The following INF2 variants were observed in gnomAD, a reference collection of about 807,000 sequenced individuals.
INF2 encodes the protein inverted formin 2, also known as inverted formin-2.
INF2 carries 43 observed loss-of-function variants against 123.5 expected under a neutral mutation model. The observed-to-expected ratio is 0.35, with a 90% CI of 0.27 to 0.45. INF2 has a LOEUF of 0.45. Ranked by LOEUF, INF2 falls within the 20% of genes least tolerant of loss-of-function variation. The probability of loss-of-function intolerance (pLI) is 1.00; values close to 1 mark genes in which losing one functional copy is unlikely to be tolerated. For missense variants in INF2, 1,453 were observed against 1,682.7 expected, an observed-to-expected ratio of 0.86 and a Z score of 2.39; for synonymous variants, 851 against 745.0, an observed-to-expected ratio of 1.14 and a Z score of -2.32.
At chr14:104,689,524 C>T, upstream of INF2, 1 of 521,970 alleles carries the variant, frequency 1.9e-6, no homozygotes, top group Non-Finnish European at 2.4e-6. Context: ...CCCCCCCAGG[C>T]CCCGCCCCCG....
rs1469943202 is a variant in INF2, at chr14:104,713,674, G to A, written c.3040+68G>A. The A allele has an allele frequency of 3.9e-6, 6 of 1,538,874 alleles. No individual in the cohort carries two copies. The East Asian group carries it at 1.4e-4, about 36-fold the overall frequency. The stretch of plus-strand genomic sequence containing the variant: ...TGTCCCTACCCTGTGCCTCCAGGAA[G>A]TCCTCCTGACTTCACTGGAAAGCCC... On this transcript the variant is annotated intron_variant, in intron 20 of 22. Transcript: ENST00000392634.
intron 20 of INF2, among the ~76,000 whole-genome samples, chr14:104,713,980 G>T (rs750593983): frequency 9.2e-5 from 14 of 152,228 alleles, no homozygotes; most frequent in Non-Finnish European, 1.9e-4. Flanking sequence ...TGGGGTGGCT[G>T]CCTCAGGGTG....
At chr14:104,717,239 C>T (rs1388114450) in intron 22 of INF2, among the ~76,000 whole-genome samples, 2 of 145,886 alleles carry the variant, frequency 1.4e-5, no homozygotes, top group African/African-American at 2.7e-5. Flanking sequence ...GGGCAGGGTG[C>T]GCTGCCGTCC....
chr14:104,689,650 C>T lies in INF2; in HGVS notation c.-99C>T, dbSNP rs953173290. The T allele has an allele frequency of 4.1e-6, 4 of 976,050 alleles. No homozygotes were observed. The highest frequency in any genetic ancestry group is 4.9e-6 in the Non-Finnish European group (4 of 822,162). 60.5% of individuals were successfully genotyped at this position (976,050 alleles called of 1,614,324 possible). ...GCCACCGTCCGAGCCTTGCGGAGCG[C>T]GGCAGTGGGCGCCGGCTGCCCGCAG... On this transcript the variant is annotated 5_prime_UTR_variant, in exon 1 of 23. Transcript: ENST00000392634.
At chr14:104,707,135 G>A (rs1297890030) in intron 7 of INF2, 84 bp downstream of exon 7, 2 of 1,510,118 alleles carry the variant, frequency 1.3e-6, no homozygotes, top group Non-Finnish European at 1.8e-6. Context: ...GCCTGCCCTT[G>A]GCCCCAACCC....
intron 11 of INF2, 39 bp downstream of exon 11, chr14:104,709,422 C>T (rs1419635589): frequency 6.6e-6 from 10 of 1,519,160 alleles, no homozygotes; most frequent in Admixed American, 1.7e-5. Context: ...CCAGTTAGTG[C>T]CACCAACCAA....
Position 104,701,764 on chromosome 14 carries a change from G to A in INF2, c.391+8G>A, listed in dbSNP as rs1889515861. On this transcript the variant is annotated splice_region_variant and intron_variant, in intron 2 of 22. Coordinates refer to ENST00000392634, the MANE Select transcript of INF2 (RefSeq NM_022489.4). Reference sequence around the variant, plus strand: ...TGCGCCAGCTCTCCCAGGGTGAGCCGCAGTGTGGGAGGGCCGCCCAGGCGG... The same window carrying A: ...TGCGCCAGCTCTCCCAGGGTGAGCCACAGTGTGGGAGGGCCGCCCAGGCGG... The A allele has an allele frequency of 6.7e-7, 1 of 1,494,438 alleles. No homozygotes were observed. The allele number at this position is 1,494,438 out of a possible 1,614,324, so 92.6% of individuals were successfully genotyped here. A position where few individuals can be genotyped will look rare whatever the true frequency, so the allele number is the denominator to read the frequency against.
chr14:104,710,898 G>T, intron 13 of INF2, 39 bp from the exon 14 acceptor site: 1 of 1,593,268 alleles, frequency 6.3e-7, no homozygotes, highest in South Asian at 1.1e-5. Flanking sequence ...TGGGGGCTCC[G>T]AACCAAGAGC....
intron 1 of INF2, among the ~76,000 whole-genome samples, chr14:104,683,845 A>T (rs1354390979): frequency 6.6e-6 from 1 of 151,558 alleles, no homozygotes; most frequent in African/African-American, 2.4e-5. Context: ...CTGCCGCCCC[A>T]CCCCTGCCTC....
In INF2 at chr14:104,707,305, G is replaced by A. The variant is rs1344757022; in HGVS notation, c.1038G>A (p.Gly346=). 2.5e-6 allele frequency: 4 copies of A among 1,607,878 alleles called. No individual in the cohort carries two copies. Among genetic ancestry groups the A allele is most frequent in the Non-Finnish European group, 3.4e-6 (4 of 1,177,908 alleles). Residue 346 remains glycine, a synonymous_variant, in exon 8 of 23, where the codon GGG becomes GGA. Coordinates refer to ENST00000392634, the MANE Select transcript of INF2 (RefSeq NM_022489.4). ...EVVERLLSVK[G]RPRPSPLVKA... is the part of the protein sequence containing the mutation. ...TTGAGCGGCTCCTGTCTGTCAAGGGGCGACCCAGACCGAGCCCCCTGGTCA... is the reference window on the plus strand; with the variant it reads ...TTGAGCGGCTCCTGTCTGTCAAGGGACGACCCAGACCGAGCCCCCTGGTCA...
In INF2 at chr14:104,715,274, T is replaced by C. The variant is rs1403476124; in HGVS notation, c.3695-10T>C. ...AAGCCGTTGAGTGCGTTTCTTTTAT[T>C]TGGAAGCAGAGGTTCCCCCTGATTC... is the stretch of plus-strand genomic sequence containing the variant. On this transcript the variant is annotated splice_polypyrimidine_tract_variant and intron_variant, in intron 21 of 22. Coordinates refer to ENST00000392634, the MANE Select transcript of INF2 (RefSeq NM_022489.4). The C allele has an allele frequency of 1.2e-6, 2 of 1,613,358 alleles. No individual in the cohort carries two copies. Among genetic ancestry groups the C allele is most frequent in the African/African-American group, 2.7e-5 (2 of 74,922 alleles).
chr14:104,705,751 G>A (rs986925911), intron 5 of INF2, among the ~76,000 whole-genome samples: 3 of 152,224 alleles, frequency 2.0e-5, no homozygotes, highest in African/African-American at 4.8e-5. Flanking sequence ...CACGTTACTC[G>A]ATGGGAGTGG....
intron 1 of INF2, among the ~76,000 whole-genome samples, chr14:104,691,712 G>A (rs745878199): frequency 1.4e-4 from 22 of 152,160 alleles, no homozygotes; most frequent in Non-Finnish European, 2.9e-4. Context: ...ACCAACGGTG[G>A]GAAGGAGAGA....
rs377340315 is a variant in INF2, at chr14:104,711,699, G to T, written c.2489G>T (p.Gly830Val). ...RDLEQPSQAA[G>V]INLEIIRSEA... is the part of the protein sequence containing the mutation. ...CTGGAACAGCCCTCGCAAGCAGCAG[G>T]GTAGGTAGCTCCTGCCAGCCCGCCC... The change falls in exon 16 of 23, where the codon GGG (glycine) becomes GTG (valine). Residue 830 changes from glycine (G) to valine (V), a missense_variant and splice_region_variant. Physicochemically the swap from Gly to Val is moderately radical, Grantham distance 109. This residue lies in a region of INF2 where 212 missense variants were observed against 266.2 expected (regional missense o/e 0.80). Transcript: ENST00000392634. 2.7e-4 allele frequency: 430 copies of T among 1,612,044 alleles called. No individual in the cohort carries two copies. The highest frequency in any genetic ancestry group is 3.4e-4 in the Non-Finnish European group (401 of 1,179,570).
chr14:104,718,951 T>G lies in INF2; in HGVS notation c.*158T>G, dbSNP rs1217666085. The G allele has an allele frequency of 3.5e-6, 5 of 1,425,810 alleles. No homozygotes were observed. In the African/African-American group the frequency reaches 7.2e-5, roughly 21 times the overall value. The allele number at this position is 1,425,810 out of a possible 1,614,324, so 88.3% of individuals were successfully genotyped here. A position where few individuals can be genotyped will look rare whatever the true frequency, so the allele number is the denominator to read the frequency against. On this transcript the variant is annotated 3_prime_UTR_variant, in exon 23 of 23. Coordinates refer to ENST00000392634, the MANE Select transcript of INF2 (RefSeq NM_022489.4). ...AGCCGGGGCCCTCCTGGAGCCTTCT[T>G]GGGGTGTTGTGGCTGGGAACCCGAC...
chr14:104,709,996 C>T lies in INF2; in HGVS notation c.2139-92C>T, dbSNP rs1889969430. On this transcript the variant is annotated intron_variant, in intron 12 of 22. Coordinates refer to ENST00000392634, the MANE Select transcript of INF2 (RefSeq NM_022489.4). The stretch of plus-strand genomic sequence containing the variant: ...GCGGTGGAAACCCCCTCCCTTTGCC[C>T]ACCACCCAAGCCAGAGCCCTGTGCT... 3 of 1,154,936 alleles carry T rather than the reference C, an allele frequency of 2.6e-6. No homozygotes were observed. In the East Asian group the frequency reaches 7.7e-5, roughly 30 times the overall value. The allele number at this position is 1,154,936 out of a possible 1,614,324, so 71.5% of individuals were successfully genotyped here. A position where few individuals can be genotyped will look rare whatever the true frequency, so the allele number is the denominator to read the frequency against.
chr14:104,710,615 A>G (rs1890007553), intron 13 of INF2: 2 of 520,474 alleles, frequency 3.8e-6, no homozygotes, highest in South Asian at 4.4e-5. Flanking sequence ...ACATACATGT[A>G]CAGACATAAG....
At chr14:104,710,848 G>A in intron 13 of INF2, 89 bp from the exon 14 acceptor site, 3 of 1,126,216 alleles carry the variant, frequency 2.7e-6, no homozygotes, top group Non-Finnish European at 3.9e-6. Flanking sequence ...GGAGTGCAGG[G>A]GCACTGGCAA....
rs748196824 is a variant in INF2 at position 104,706,891 on chromosome 14, C to T, written c.844-19C>T. On this transcript the variant is annotated intron_variant, in intron 6 of 22. Coordinates refer to ENST00000392634, the MANE Select transcript of INF2 (RefSeq NM_022489.4). ...GGAGGGGCCGGCTGCTGACCTGCAC[C>T]CCACACTCGCCCGTCCAGGTGAGCT... 21 of 1,602,232 alleles carry T rather than the reference C, an allele frequency of 1.3e-5. No individual in the cohort carries two copies. The highest frequency in any genetic ancestry group is 1.7e-5 in the Admixed American group (1 of 59,764).
Sources: allele counts gnomAD v4.1 joint callset (sites outside exome capture counted in the v4.1 genomes callset), GRCh38; gene constraint gnomAD v4.1.1; regional missense constraint gnomAD v4.1.1; transcripts MANE v1.5; gene names NCBI Gene and HGNC (gene_info 2026-07-23, HGNC 2026-07-21).